Variants in PHF20 observed in about 807,000 individuals in gnomAD.
PHF20 encodes glioma-expressed antigen 2.
PHF20 carries 23 observed loss-of-function variants against 113.5 expected under a neutral mutation model. That is an observed-to-expected ratio of 0.20 (90% CI 0.15 to 0.29). The LOEUF is 0.29. Ranked by LOEUF, PHF20 falls within the 10% of genes least tolerant of loss-of-function variation. The pLI is 1.00. For synonymous variants in PHF20, 434 were observed against 457.3 expected (o/e 0.95, Z 0.65); for missense variants, 943 against 1,219.6 (o/e 0.77, Z 3.38).
chr20:35,789,373 G>A (rs1218038452), intron 1 of PHF20, among the ~76,000 whole-genome samples: 1 of 150,432 alleles, frequency 6.6e-6, no homozygotes, highest in East Asian at 2.0e-4. Flanking sequence ...AGAGGTTGCA[G>A]TGAGCCAAGA....
In PHF20 at chr20:35,810,382, T is replaced by C. The variant is rs116907394; in HGVS notation, c.83+8777T>C. Among the ~76,000 whole-genome samples the C allele has an allele frequency of 8.4e-3, 1,274 of 152,234 alleles. 10 individuals are homozygous for C. Among genetic ancestry groups the C allele is most frequent in the Non-Finnish European group, 0.013 (907 of 68,028 alleles). ...CATGTATTTACTCTTCCCTGATTGG[T>C]TTTTTACACTGTCATGCCCACCTTT... On this transcript the variant is annotated intron_variant, in intron 2 of 17. Coordinates refer to ENST00000374012, the MANE Select transcript of PHF20 (RefSeq NM_016436.5).
intron 9 of PHF20, among the ~76,000 whole-genome samples, chr20:35,888,785 A>C (rs933382791): frequency 6.7e-5 from 10 of 149,520 alleles, no homozygotes; most frequent in African/African-American, 2.5e-4. Flanking sequence ...AATAATTTAC[A>C]TGTCTTCTGC....
Position 35,856,974 on chromosome 20 carries a change from C to A in PHF20, c.341-1328C>A, listed in dbSNP as rs73283075. On this transcript the variant is annotated intron_variant, in intron 4 of 17. Coordinates refer to ENST00000374012, the MANE Select transcript of PHF20 (RefSeq NM_016436.5). ...TACCCGTGATTAGCCATTGACTAGG[C>A]CCTGTTGAGGACTGGCGGTGGAGGG... Among the ~76,000 whole-genome samples, 882 of 152,140 alleles carry A rather than the reference C, an allele frequency of 5.8e-3. 9 individuals are homozygous for A. The highest frequency in any genetic ancestry group is 0.02 in the African/African-American group (830 of 41,496).
At chr20:35,774,110 T>G (rs1468457394) in intron 1 of PHF20, among the ~76,000 whole-genome samples, 3 of 150,768 alleles carry the variant, frequency 2.0e-5, no homozygotes, top group Non-Finnish European at 4.4e-5. Context: ...TGAGACAGAG[T>G]CTCGCTCTGT....
At chr20:35,853,490 T>C (rs2042775988) in intron 4 of PHF20, 1 of 152,150 alleles carries the variant, frequency 6.6e-6, no homozygotes, top group Non-Finnish European at 1.5e-5. Flanking sequence ...ACATCTGTAA[T>C]TCCAGTGCTT....
At chr20:35,829,266 T>A (rs2042316318) in intron 2 of PHF20, among the ~76,000 whole-genome samples, 1 of 152,208 alleles carries the variant, frequency 6.6e-6, no homozygotes, top group Non-Finnish European at 1.5e-5. Flanking sequence ...CATTTTTAGG[T>A]GTGCAGTACA....
At chr20:35,883,410 A>G (rs1470594146) in intron 9 of PHF20, among the ~76,000 whole-genome samples, 1 of 152,130 alleles carries the variant, frequency 6.6e-6, no homozygotes, top group African/African-American at 2.4e-5. Flanking sequence ...ACACTTCCTA[A>G]TGGTCAGTAT....
chr20:35,888,927 A>G (rs1224476254), intron 9 of PHF20, among the ~76,000 whole-genome samples: 1 of 151,876 alleles, frequency 6.6e-6, no homozygotes, highest in Non-Finnish European at 1.5e-5. Context: ...CCATAGGGGA[A>G]TACATACCTG....
At chr20:35,862,116 A>T (rs570995266) in intron 5 of PHF20, among the ~76,000 whole-genome samples, 1 of 152,232 alleles carries the variant, frequency 6.6e-6, no homozygotes, top group African/African-American at 2.4e-5. Context: ...TAGGGAGAAC[A>T]TAACTAAGAA....
At chr20:35,927,460 T>C (rs2055663201) in intron 13 of PHF20, among the ~76,000 whole-genome samples, 1 of 152,206 alleles carries the variant, frequency 6.6e-6, no homozygotes, top group South Asian at 2.1e-4. Context: ...AACTAACCTG[T>C]GCAAAGTCAC....
intron 2 of PHF20, among the ~76,000 whole-genome samples, chr20:35,830,322 G>C (rs1299182680): frequency 3.3e-5 from 5 of 152,116 alleles, no homozygotes. Context: ...CATTAATCTG[G>C]CTACTCTAGA....
intron 14 of PHF20, among the ~76,000 whole-genome samples, chr20:35,930,111 A>G (rs1170549208): frequency 6.6e-6 from 1 of 152,214 alleles, no homozygotes; most frequent in Admixed American, 6.5e-5. Context: ...GGCTGAAGCC[A>G]TCCAGTTCCT....
At chr20:35,886,378 A>ACC (rs1404672748) in intron 9 of PHF20, among the ~76,000 whole-genome samples, 2 of 151,698 alleles carry the variant, frequency 1.3e-5, no homozygotes, top group East Asian at 3.9e-4. Context: ...CGCCTGCCTC[A>ACC]CCCTCCCAAA....
At chr20:35,887,858 G>A (rs542462633) in intron 9 of PHF20, 1 of 148,920 alleles carries the variant, frequency 6.7e-6, no homozygotes, top group East Asian at 2.0e-4. Flanking sequence ...CCACACTCAA[G>A]AGGAAGAGAT....
intron 13 of PHF20, 75 bp from the exon 14 acceptor site, chr20:35,927,705 T>C (rs1335554474): frequency 8.9e-7 from 1 of 1,119,576 alleles, no homozygotes. Flanking sequence ...GCCCCTCCCC[T>C]CAGCAGGTGG....
chr20:35,920,618 C>T (rs899198819), intron 13 of PHF20, among the ~76,000 whole-genome samples: 2 of 152,170 alleles, frequency 1.3e-5, no homozygotes, highest in South Asian at 2.1e-4. Context: ...GCCTTAGCTA[C>T]GGGGATTTAC....
intron 14 of PHF20, among the ~76,000 whole-genome samples, chr20:35,930,013 T>G (rs2055721292): frequency 6.6e-6 from 1 of 152,250 alleles, no homozygotes; most frequent in African/African-American, 2.4e-5. Context: ...AGAAAGCTTT[T>G]CCCTGGGACT....
chr20:35,810,783 A>G lies in PHF20; in HGVS notation c.83+9178A>G, dbSNP rs566440659. Reference sequence around the variant, plus strand: ...TCTGATTATGTTCACCTGATTTCCTAATCTAGAGTACTGGACATTTAATTG... The same window carrying G: ...TCTGATTATGTTCACCTGATTTCCTGATCTAGAGTACTGGACATTTAATTG... On this transcript the variant is annotated intron_variant, in intron 2 of 17. Coordinates refer to ENST00000374012, the MANE Select transcript of PHF20 (RefSeq NM_016436.5). Among the ~76,000 whole-genome samples the G allele has an allele frequency of 2.0e-5, 3 of 152,344 alleles. No individual in the cohort carries two copies. The East Asian group carries it at 5.8e-4, about 29-fold the overall frequency.
chr20:35,800,105 G>A (rs1410373111), intron 1 of PHF20: 1 of 152,104 alleles, frequency 6.6e-6, no homozygotes. Context: ...ACGAGTACAC[G>A]AGACAGGATT....
Sources: allele counts gnomAD v4.1 joint callset (sites outside exome capture counted in the v4.1 genomes callset), GRCh38; gene constraint gnomAD v4.1.1; transcripts MANE v1.5; gene names NCBI Gene and HGNC (gene_info 2026-07-23, HGNC 2026-07-21).